The following ACAD8 variants were observed in gnomAD, a reference collection of about 807,000 sequenced individuals.
ACAD8 encodes isobutyryl-CoA dehydrogenase, mitochondrial.
Under a neutral mutation model 53.1 loss-of-function variants are expected in ACAD8, and 47 were observed. The observed-to-expected ratio is 0.89, with a 90% confidence interval of 0.70 to 1.13. ACAD8 has a LOEUF of 1.13. Ranked by LOEUF, ACAD8 falls within the 50% of genes most tolerant of loss-of-function variation. ACAD8 has a pLI of 0.00. For synonymous variants in ACAD8, 198 were observed against 201.3 expected, an observed-to-expected ratio of 0.98 and a Z score of 0.14; for missense variants, 494 against 535.0, an observed-to-expected ratio of 0.92 and a Z score of 0.76.
intron 10 of ACAD8, 41 bp downstream of exon 10, chr11:134,262,663 G>A (rs1565377244): frequency 6.3e-7 from 1 of 1,580,740 alleles, no homozygotes. Context: ...TTCAGAACGG[G>A]GGCGGGATCG....
intron 10 of ACAD8, chr11:134,263,042 C>A: frequency 1.8e-5 from 21 of 1,178,992 alleles, no homozygotes; most frequent in Non-Finnish European, 2.2e-5. Flanking sequence ...GCCAGATGGC[C>A]TAAAAGATAC....
intron 1 of ACAD8, 39 bp from the exon 2 acceptor site, chr11:134,256,509 G>A (rs771078539): frequency 1.3e-6 from 2 of 1,563,436 alleles, no homozygotes; most frequent in Non-Finnish European, 1.8e-6. Context: ...TGGCAACACT[G>A]ACCCTGTCCT....
chr11:134,261,805 C>G lies in ACAD8; in HGVS notation c.1007C>G (p.Ala336Gly). The G allele has an allele frequency of 6.2e-7, 1 of 1,614,224 alleles. No homozygotes were observed. The highest frequency in any genetic ancestry group is 8.5e-7 in the Non-Finnish European group (1 of 1,180,040). The change falls in exon 9 of 11, where the codon GCA becomes GGA. Residue 336 changes from alanine (A) to glycine (G), a missense_variant. By Grantham distance (60) the Ala-to-Gly change is moderately conservative. Transcript: ENST00000281182. This position sits in a 1 kb window ranked among gnomAD's most constrained non-coding sequence, Gnocchi z 4.2. ...LVAARLMVRN[A>G]AVALQEERKD... is the part of the protein sequence containing the mutation. ...GCCGCGCGGCTGATGGTCCGCAATG[C>G]AGCAGTGGCTCTGCAGGAGGAGAGG...
chr11:134,258,027 T>G, intron 3 of ACAD8: 1 of 203,460 alleles, frequency 4.9e-6, no homozygotes, highest in Non-Finnish European at 1.0e-5. Context: ...TTTTTTTTCA[T>G]ATTTAGTAGA....
intron 9 of ACAD8, chr11:134,262,092 A>G: frequency 1.4e-6 from 1 of 700,160 alleles, no homozygotes; most frequent in South Asian, 1.5e-5. Context: ...GCATGCCATT[A>G]TACACTTCAT....
intron 1 of ACAD8, among the ~76,000 whole-genome samples, chr11:134,254,442 T>C (rs1016769491): frequency 1.3e-5 from 2 of 152,266 alleles, no homozygotes; most frequent in Admixed American, 6.5e-5. Context: ...ACCCGGCCAG[T>C]TTGTGACTTC....
chr11:134,254,379 T>C (rs1314644068), intron 1 of ACAD8, among the ~76,000 whole-genome samples: 2 of 152,170 alleles, frequency 1.3e-5, no homozygotes, highest in Non-Finnish European at 2.9e-5. Context: ...CTGACAAACT[T>C]GAGTGTCTTT....
At position 134,253,574 on chromosome 11, in the gene ACAD8, T is replaced by C. The variant is rs768916477; in HGVS notation, c.-27T>C. On this transcript the variant is annotated 5_prime_UTR_variant, in exon 1 of 11. Transcript: ENST00000281182. ...ACGGAGGTCGAAGGCGTTCAGACTCTTAGCTGAACGCGGAGCTGCGGCGGC... is the reference window on the plus strand; with the variant it reads ...ACGGAGGTCGAAGGCGTTCAGACTCCTAGCTGAACGCGGAGCTGCGGCGGC... 6 of 1,556,404 alleles carry C rather than the reference T, an allele frequency of 3.9e-6. No homozygotes were observed. The highest frequency in any genetic ancestry group is 3.5e-6 in the Non-Finnish European group (4 of 1,153,268).
chr11:134,262,578 T>C lies in ACAD8; in HGVS notation c.1151T>C (p.Val384Ala). 6.2e-7 allele frequency: 1 copy of C among 1,614,128 alleles called. No individual in the cohort carries two copies. Among genetic ancestry groups the C allele is most frequent in the South Asian group, 1.1e-5 (1 of 91,070 alleles). ...TACGGCTACCTGAAGGATTACGCTGTTCAGCAGTACGTGCGGGACTCCAGG... is the reference window on the plus strand; with the variant it reads ...TACGGCTACCTGAAGGATTACGCTGCTCAGCAGTACGTGCGGGACTCCAGG... ...GGYGYLKDYA[V>A]QQYVRDSRVH... Residue 384 changes from valine to alanine, a missense_variant, in exon 10 of 11, where the codon GTT becomes GCT. By Grantham distance (64) the Val-to-Ala change is moderately conservative. Coordinates refer to ENST00000281182, the MANE Select transcript of ACAD8 (RefSeq NM_014384.3).
At chr11:134,258,739 G>T (rs2136079240) in intron 4 of ACAD8, 115 bp downstream of exon 4, 1 of 852,616 alleles carries the variant, frequency 1.2e-6, no homozygotes, top group East Asian at 2.6e-5. Context: ...TTATCTAGCT[G>T]TTTGGTTGAG....
At chr11:134,258,372 T>C in intron 3 of ACAD8, 143 bp from the exon 4 acceptor site, 1 of 698,914 alleles carries the variant, frequency 1.4e-6, no homozygotes, top group East Asian at 2.7e-5. Context: ...TTAAAGAGTC[T>C]TCCCAATTGT....
intron 1 of ACAD8, among the ~76,000 whole-genome samples, chr11:134,254,286 C>T (rs917422483): frequency 5.3e-5 from 8 of 152,216 alleles, no homozygotes; most frequent in African/African-American, 1.9e-4. Context: ...GGTATCTTAA[C>T]ACCTCTGGCT....
At chr11:134,263,467 C>CT (rs1233092436) in intron 10 of ACAD8, 1 of 983,710 alleles carries the variant, frequency 1.0e-6, no homozygotes, top group Non-Finnish European at 1.2e-6. Flanking sequence ...TGCAACAAGT[C>CT]TTCAAGTGAG....
chr11:134,255,803 T>C (rs780997526), intron 1 of ACAD8, among the ~76,000 whole-genome samples: 17 of 152,240 alleles, frequency 1.1e-4, no homozygotes, highest in Non-Finnish European at 2.1e-4. Context: ...GAACAGACTC[T>C]GGCACCTGCC....
At chr11:134,259,779 T>C (rs760347118) in intron 6 of ACAD8, 34 bp downstream of exon 6, 5 of 1,614,084 alleles carry the variant, frequency 3.1e-6, no homozygotes, top group Non-Finnish European at 4.2e-6. Context: ...CAATTCAGGT[T>C]ATGAGACTCT....
Position 134,261,648 on chromosome 11 carries a change from G to T in ACAD8, c.940-90G>T. ...TGAAGCTTTGGATCACTTAGAAAAG[G>T]CGCCTCCGAGATGTCTTACCGAGGC... On this transcript the variant is annotated intron_variant, in intron 8 of 10. Transcript: ENST00000281182. The surrounding 1 kb of genome is among the most constrained non-coding windows in gnomAD (Gnocchi z 4.2). The T allele has an allele frequency of 6.3e-7, 1 of 1,595,094 alleles. No individual in the cohort carries two copies. The highest frequency in any genetic ancestry group is 1.1e-5 in the South Asian group (1 of 89,170).
rs1939882251 is a variant in ACAD8, at chr11:134,261,579, A to G, written c.940-159A>G. On this transcript the variant is annotated intron_variant, in intron 8 of 10. Coordinates refer to ENST00000281182, the MANE Select transcript of ACAD8 (RefSeq NM_014384.3). The surrounding 1 kb of genome is among the most constrained non-coding windows in gnomAD (Gnocchi z 4.2). ...GTCGGGTGAGTGAAGTGGACTTAGC[A>G]CTTAAAAGCAATAAATTTCCTCTAT... The G allele has an allele frequency of 3.2e-6, 5 of 1,541,058 alleles. No homozygotes were observed. Among genetic ancestry groups the G allele is most frequent in the Non-Finnish European group, 4.4e-6 (5 of 1,147,680 alleles).
intron 10 of ACAD8, chr11:134,264,052 T>C (rs1381257633): frequency 1.0e-6 from 1 of 984,730 alleles, no homozygotes; most frequent in African/African-American, 1.7e-5. Context: ...CTTATAAAAT[T>C]AGGAAAAGTA....
Position 134,261,650 on chromosome 11 carries a change from G to A in ACAD8, c.940-88G>A, listed in dbSNP as rs770151193. ...AAGCTTTGGATCACTTAGAAAAGGC[G>A]CCTCCGAGATGTCTTACCGAGGCTC... On this transcript the variant is annotated intron_variant, in intron 8 of 10. Coordinates refer to ENST00000281182, the MANE Select transcript of ACAD8 (RefSeq NM_014384.3). The surrounding 1 kb of genome is among the most constrained non-coding windows in gnomAD (Gnocchi z 4.2). 5.6e-4 allele frequency: 887 copies of A among 1,597,440 alleles called. 2 individuals carry two copies. Among genetic ancestry groups the A allele is most frequent in the Non-Finnish European group, 6.8e-4 (804 of 1,177,212 alleles).
Sources: gnomAD v4.1 joint callset for allele counts (sites outside exome capture counted in the v4.1 genomes callset) on GRCh38, gnomAD v4.1.1 for gene constraint, Gnocchi (gnomAD v3.1) non-coding constraint, MANE v1.5 for transcripts, NCBI Gene and HGNC (gene_info 2026-07-23, HGNC 2026-07-21) for gene names.